STT3B: variants seen among roughly 807,000 people sequenced by gnomAD.
STT3B encodes the protein dolichyl-diphosphooligosaccharide--protein glycosyltransferase subunit STT3B.
In STT3B, 29 loss-of-function variants were observed where a neutral mutation model predicts 96.8. That is an observed-to-expected ratio of 0.30 (90% confidence interval 0.22 to 0.41). The LOEUF (loss-of-function observed/expected upper bound fraction) is 0.41. Among genes scored for constraint, STT3B ranks in the 10% least tolerant of loss-of-function variants. STT3B has a pLI of 1.00. For missense variants in STT3B, 640 were observed against 1,022.3 expected (o/e 0.63, Z 5.10); for synonymous variants, 367 against 360.0 (o/e 1.02, Z -0.22).
intron 1 of STT3B, among the ~76,000 whole-genome samples, chr3:31,555,238 C>G (rs1437862089): frequency 6.6e-6 from 1 of 152,136 alleles, no homozygotes; most frequent in Admixed American, 6.5e-5. Flanking sequence ...CATGCATATC[C>G]TGTCACCTGC....
chr3:31,548,384 T>C (rs375147783), intron 1 of STT3B, among the ~76,000 whole-genome samples: 39 of 152,180 alleles, frequency 2.6e-4, no homozygotes, highest in Admixed American at 7.2e-4. Flanking sequence ...GCCATTTTTT[T>C]CCCTGTTTTA....
chr3:31,585,496 A>G (rs1698516675), intron 3 of STT3B, among the ~76,000 whole-genome samples: 1 of 152,132 alleles, frequency 6.6e-6, no homozygotes, highest in Non-Finnish European at 1.5e-5. Flanking sequence ...TGATTCAGAA[A>G]AGTAATTAAC....
intron 1 of STT3B, among the ~76,000 whole-genome samples, chr3:31,559,898 G>C (rs1697830131): frequency 6.6e-6 from 1 of 151,968 alleles, no homozygotes; most frequent in South Asian, 2.1e-4. Flanking sequence ...GTTTAGAATT[G>C]TTATTTCTTC....
chr3:31,550,430 C>T (rs1271280785), intron 1 of STT3B, among the ~76,000 whole-genome samples: 3 of 152,066 alleles, frequency 2.0e-5, no homozygotes, highest in Non-Finnish European at 4.4e-5. Flanking sequence ...AAATGACCAC[C>T]CATCAGTTGC....
intron 1 of STT3B, among the ~76,000 whole-genome samples, chr3:31,558,092 G>T (rs1480401334): frequency 2.6e-5 from 4 of 152,148 alleles, no homozygotes; most frequent in African/African-American, 7.2e-5. Flanking sequence ...GAGTCTTTTG[G>T]TTTTTCCAAA....
chr3:31,616,243 G>A (rs1421430478), intron 6 of STT3B, among the ~76,000 whole-genome samples: 1 of 151,880 alleles, frequency 6.6e-6, no homozygotes, highest in Non-Finnish European at 1.5e-5. Context: ...TGGTGTCTCT[G>A]TGTCTTCATC....
intron 1 of STT3B, among the ~76,000 whole-genome samples, chr3:31,558,995 T>C (rs1242631635): frequency 6.6e-6 from 1 of 151,812 alleles, no homozygotes; most frequent in Non-Finnish European, 1.5e-5. Flanking sequence ...ATTTCTGTGG[T>C]ACTAATTTGT....
intron 1 of STT3B, among the ~76,000 whole-genome samples, chr3:31,568,269 A>G (rs187571361): frequency 6.6e-6 from 1 of 152,280 alleles, no homozygotes; most frequent in Non-Finnish European, 1.5e-5. Flanking sequence ...CTGATGATAG[A>G]CACTTAGGTT....
chr3:31,625,186 C>A, intron 12 of STT3B, 101 bp downstream of exon 12: 2 of 1,006,496 alleles, frequency 2.0e-6, no homozygotes, highest in Non-Finnish European at 2.9e-6. Context: ...GAAAAGTACT[C>A]TGCTGAATTC....
chr3:31,592,772 G>A lies in STT3B; in HGVS notation c.712-4026G>A, dbSNP rs560719821. On this transcript the variant is annotated intron_variant, in intron 3 of 15. Transcript: ENST00000295770. ...ATTCACGGTGACTTTCTAATTTCCC[G>A]TCATATATTTCTTTGTATATGTGGT... 9.2e-5 allele frequency among the ~76,000 whole-genome samples: 14 copies of A among 152,162 alleles called. No homozygotes were observed. The South Asian group carries it at 1.9e-3, about 20-fold the overall frequency.
chr3:31,595,678 G>A (rs1347852495), intron 3 of STT3B, among the ~76,000 whole-genome samples: 1 of 152,142 alleles, frequency 6.6e-6, no homozygotes. Flanking sequence ...ATGAAATATG[G>A]TATATTGGTT....
chr3:31,580,852 A>G (rs1698368590), intron 3 of STT3B, among the ~76,000 whole-genome samples: 2 of 152,068 alleles, frequency 1.3e-5, no homozygotes, highest in South Asian at 4.1e-4. Flanking sequence ...AGTGAAGATG[A>G]TACCAAGCAG....
At chr3:31,580,211 GTAT>G in intron 3 of STT3B, 115 bp downstream of exon 3, 1 of 957,580 alleles carries the variant, frequency 1.0e-6, no homozygotes, top group Non-Finnish European at 1.6e-6. Context: ...ACAGAGATCT[GTAT>G]TACTGTTCAT....
At chr3:31,587,913 G>C (rs1396477171) in intron 3 of STT3B, among the ~76,000 whole-genome samples, 1 of 152,052 alleles carries the variant, frequency 6.6e-6, no homozygotes, top group African/African-American at 2.4e-5. Context: ...ATGACTACTT[G>C]GTAGGGCTTA....
At chr3:31,563,953 T>A (rs901053698) in intron 1 of STT3B, among the ~76,000 whole-genome samples, 1 of 152,040 alleles carries the variant, frequency 6.6e-6, no homozygotes, top group Non-Finnish European at 1.5e-5. Flanking sequence ...GCAGCAGGTG[T>A]TTTCCGTTTC....
chr3:31,558,936 T>C (rs1334484584), intron 1 of STT3B, among the ~76,000 whole-genome samples: 1 of 151,842 alleles, frequency 6.6e-6, no homozygotes, highest in Non-Finnish European at 1.5e-5. Flanking sequence ...ATCAGTTTCC[T>C]GTAGGTTCTC....
chr3:31,632,869 T>TA (rs1575450885), intron 14 of STT3B, 66 bp from the exon 15 acceptor site: 1 of 1,353,920 alleles, frequency 7.4e-7, no homozygotes, highest in Non-Finnish European at 1.0e-6. Flanking sequence ...TGATAACACT[T>TA]ACTGTCTTAT....
At chr3:31,572,976 A>G (rs1698193465) in intron 1 of STT3B, among the ~76,000 whole-genome samples, 1 of 152,174 alleles carries the variant, frequency 6.6e-6, no homozygotes, top group Non-Finnish European at 1.5e-5. Flanking sequence ...GTGAAATTTT[A>G]TCTATGTCAA....
chr3:31,632,630 A>C (rs183173578), intron 14 of STT3B, among the ~76,000 whole-genome samples: 12 of 151,272 alleles, frequency 7.9e-5, no homozygotes, highest in Admixed American at 2.0e-4. Context: ...TATACCTATA[A>C]AAAGGGCTTT....
Sources: allele counts gnomAD v4.1 joint callset (sites outside exome capture counted in the v4.1 genomes callset), GRCh38; gene constraint gnomAD v4.1.1; transcripts MANE v1.5; gene names NCBI Gene and HGNC (gene_info 2026-07-23, HGNC 2026-07-21).